Variants in SLCO5A1 observed in about 807,000 individuals in gnomAD.
SLCO5A1 encodes the protein solute carrier organic anion transporter family member 5A1, also known as organic anion transporter polypeptide-related protein 4.
Under a neutral mutation model 65.1 loss-of-function variants are expected in SLCO5A1, and 39 were observed. The observed-to-expected ratio is 0.60, with a 90% CI of 0.46 to 0.78. The LOEUF is 0.78. SLCO5A1 is among the 30% of genes least tolerant of loss of function. The pLI, the probability that SLCO5A1 is intolerant of heterozygous loss-of-function variation, is 0.00. For missense variants in SLCO5A1, 1,029 were observed against 1,069.4 expected, an observed-to-expected ratio of 0.96 and a Z score of 0.53; for synonymous variants, 438 against 415.7, an observed-to-expected ratio of 1.05 and a Z score of -0.65.
intron 4 of SLCO5A1, among the ~76,000 whole-genome samples, chr8:69,753,885 G>A (rs118156226): frequency 0.1 from 15,471 of 151,396 alleles, 1,031 homozygotes; most frequent in Middle Eastern, 0.17. Context: ...GGCCGTGGGC[G>A]GGCGCCTGTA....
Position 69,751,305 on chromosome 8 carries a change from T to C in SLCO5A1, c.1258+4119A>G, listed in dbSNP as rs141459934. On this transcript the variant is annotated intron_variant, in intron 4 of 9. Transcript: ENST00000260126. ...TTATTTTTATTGGTAAGATTTTTGA[T>C]GGAATCAATGCTAATTTCTTTGTGG... 5.4e-4 allele frequency among the ~76,000 whole-genome samples: 83 copies of C among 152,304 alleles called. 2 individuals are homozygous for C. In the South Asian group the frequency reaches 9.1e-3, roughly 17 times the overall value.
chr8:69,826,826 T>C (rs1820941129), intron 2 of SLCO5A1, among the ~76,000 whole-genome samples: 2 of 152,160 alleles, frequency 1.3e-5, no homozygotes, highest in South Asian at 4.1e-4. Context: ...TAAATCATGC[T>C]GCTATAAAGA....
chr8:69,786,444 A>G (rs1452247567), intron 2 of SLCO5A1, among the ~76,000 whole-genome samples: 1 of 152,252 alleles, frequency 6.6e-6, no homozygotes, highest in Non-Finnish European at 1.5e-5. Context: ...ATTTTAAAAA[A>G]TAATTATATG....
chr8:69,755,360 ACCACACT>A, intron 4 of SLCO5A1, 57 bp downstream of exon 4: 1 of 1,380,418 alleles, frequency 7.2e-7, no homozygotes, highest in Non-Finnish European at 1.0e-6. Context: ...TGGGCCTGGG[ACCACACT>A]ATGAGTAGCA....
At chr8:69,777,285 A>G (rs574341276) in intron 2 of SLCO5A1, among the ~76,000 whole-genome samples, 26 of 152,244 alleles carry the variant, frequency 1.7e-4, no homozygotes, top group African/African-American at 5.5e-4. Context: ...GTTGAGTGAA[A>G]GAAAGCAGAC....
chr8:69,682,224 C>A lies in SLCO5A1; in HGVS notation c.1742G>T (p.Cys581Phe). The change falls in exon 7 of 10, where the codon TGT (cysteine) becomes TTT (phenylalanine). Residue 581 changes from cysteine (C) to phenylalanine (F), a missense_variant. Transcript: ENST00000260126. ...ACCACTATTAACACAGCCAGCCAGA[C>A]AAGGGTTAAAGTATGTAATTCCATC... The part of the protein sequence containing the change: ...GSDGITYFNP[C>F]LAGCVNSGNL... 1 of 1,612,854 alleles carries A rather than the reference C, an allele frequency of 6.2e-7. No homozygotes were observed. The highest frequency in any genetic ancestry group is 8.5e-7 in the Non-Finnish European group (1 of 1,179,554).
Position 69,784,994 on chromosome 8 carries a change from G to A in SLCO5A1, c.908-23119C>T, listed in dbSNP as rs78156860. Among the ~76,000 whole-genome samples, 1,162 of 139,762 alleles carry A rather than the reference G, an allele frequency of 8.3e-3. 13 individuals carry two copies. The highest frequency in any genetic ancestry group is 0.03 in the African/African-American group (1,106 of 36,482). The allele number at this position is 139,762 out of a possible 152,430, so 91.7% of individuals were successfully genotyped here. On this transcript the variant is annotated intron_variant, in intron 2 of 9. Transcript: ENST00000260126. The stretch of plus-strand genomic sequence containing the variant: ...GAAAGAGAAAGAAAGAAAGAAAAGC[G>A]AAAGAAAGAAAGAAAAGAAAAGAAA...
chr8:69,722,475 A>G (rs1010245435), intron 5 of SLCO5A1, among the ~76,000 whole-genome samples: 15 of 152,190 alleles, frequency 9.9e-5, no homozygotes, highest in African/African-American at 3.4e-4. Context: ...ATATTATTTA[A>G]TCTTATGGAT....
chr8:69,791,643 C>T (rs1452055598), intron 2 of SLCO5A1, among the ~76,000 whole-genome samples: 1 of 152,200 alleles, frequency 6.6e-6, no homozygotes, highest in East Asian at 1.9e-4. Flanking sequence ...GCACTGAGAT[C>T]ATGGAGACGA....
chr8:69,716,500 A>G (rs1815546554), intron 5 of SLCO5A1, among the ~76,000 whole-genome samples: 1 of 152,220 alleles, frequency 6.6e-6, no homozygotes. Context: ...CACAGATAAT[A>G]GTTGATTTTA....
In SLCO5A1 at chr8:69,672,865, A is replaced by G. The variant is rs774484998; in HGVS notation, c.*4T>C. On this transcript the variant is annotated 3_prime_UTR_variant, in exon 10 of 10. Transcript: ENST00000260126. ...ACAAAACTAAATTCTTCCATTTTCAAGCTTCAGGAGGGCGGCTCCAAGGCA... is the reference window on the plus strand; with the variant it reads ...ACAAAACTAAATTCTTCCATTTTCAGGCTTCAGGAGGGCGGCTCCAAGGCA... The G allele has an allele frequency of 2.5e-6, 4 of 1,583,056 alleles. 1 individual carries two copies. The East Asian group carries it at 6.8e-5, about 27-fold the overall frequency.
intron 2 of SLCO5A1, among the ~76,000 whole-genome samples, chr8:69,778,786 A>G (rs971777891): frequency 6.6e-6 from 1 of 152,174 alleles, no homozygotes; most frequent in Non-Finnish European, 1.5e-5. Flanking sequence ...TCTTATGTCT[A>G]TAGCATTTCT....
chr8:69,707,803 T>C (rs1044428110), intron 5 of SLCO5A1, among the ~76,000 whole-genome samples: 4 of 152,112 alleles, frequency 2.6e-5, no homozygotes, highest in African/African-American at 9.7e-5. Context: ...GAAGGATGAC[T>C]GCATGACACC....
At chr8:69,754,923 A>G (rs949357809) in intron 4 of SLCO5A1, among the ~76,000 whole-genome samples, 1 of 152,142 alleles carries the variant, frequency 6.6e-6, no homozygotes, top group African/African-American at 2.4e-5. Flanking sequence ...AGTGGTAGGT[A>G]TTATACTTAT....
chr8:69,702,635 C>T (rs1351955144), intron 6 of SLCO5A1, among the ~76,000 whole-genome samples: 1 of 152,154 alleles, frequency 6.6e-6, no homozygotes. Flanking sequence ...CCCAAACATT[C>T]TAAATTGGCT....
intron 5 of SLCO5A1, among the ~76,000 whole-genome samples, chr8:69,734,597 T>G (rs954697333): frequency 6.6e-5 from 10 of 152,228 alleles, no homozygotes; most frequent in Non-Finnish European, 1.3e-4. Flanking sequence ...CACAGTGCTG[T>G]GCACAGAGCT....
At chr8:69,765,384 A>ATT in intron 2 of SLCO5A1, among the ~76,000 whole-genome samples, 1 of 151,644 alleles carries the variant, frequency 6.6e-6, no homozygotes, top group African/African-American at 2.4e-5. Flanking sequence ...CTGTATGAGT[A>ATT]TTTATATATA....
At chr8:69,746,163 T>C (rs1397225210) in intron 4 of SLCO5A1, among the ~76,000 whole-genome samples, 2 of 152,164 alleles carry the variant, frequency 1.3e-5, no homozygotes, top group East Asian at 1.9e-4. Flanking sequence ...CTGTAACTTT[T>C]CATGTATGCA....
At chr8:69,733,262 C>T (rs536389409) in intron 5 of SLCO5A1, among the ~76,000 whole-genome samples, 1 of 152,084 alleles carries the variant, frequency 6.6e-6, no homozygotes, top group African/African-American at 2.4e-5. Context: ...GTGATATGAT[C>T]GGGTTGTATT....
Sources: gnomAD v4.1 joint callset for allele counts (sites outside exome capture counted in the v4.1 genomes callset) on GRCh38, gnomAD v4.1.1 for gene constraint, MANE v1.5 for transcripts, NCBI Gene and HGNC (gene_info 2026-07-23, HGNC 2026-07-21) for gene names.